Variants in CSMD1 observed in about 807,000 individuals in gnomAD.
CSMD1 encodes CUB and sushi domain-containing protein 1.
Under a neutral mutation model 417.5 loss-of-function variants are expected in CSMD1, and 213 were observed. The ratio of observed to expected loss-of-function variants is 0.51; its 90% CI spans 0.46 to 0.57. CSMD1 has a LOEUF of 0.57. Ranked by LOEUF, CSMD1 falls within the 20% of genes least tolerant of loss-of-function variation. The probability of loss-of-function intolerance (pLI) is 0.00; values close to 1 mark genes in which losing one functional copy is unlikely to be tolerated. For synonymous variants in CSMD1, 2,862 were observed against 1,736.8 expected, an observed-to-expected ratio of 1.65 and a Z score of -16.11; for missense variants, 6,923 against 4,529.7, an observed-to-expected ratio of 1.53 and a Z score of -15.17.
intron 1 of CSMD1, among the ~76,000 whole-genome samples, chr8:4,923,819 G>A (rs551478963): frequency 1.9e-4 from 29 of 152,156 alleles, no homozygotes; most frequent in African/African-American, 6.7e-4. Context: ...TTCCAATAAT[G>A]AGTTTTCAAT....
At chr8:3,326,384 G>A (rs1459319162) in intron 23 of CSMD1, among the ~76,000 whole-genome samples, 1 of 152,192 alleles carries the variant, frequency 6.6e-6, no homozygotes, top group Non-Finnish European at 1.5e-5. Context: ...AGAAATGGAT[G>A]AAGATTTATG....
chr8:4,096,121 C>T (rs1344595289), intron 3 of CSMD1, among the ~76,000 whole-genome samples: 1 of 152,112 alleles, frequency 6.6e-6, no homozygotes, highest in Admixed American at 6.5e-5. Flanking sequence ...TCCTCAAAAA[C>T]ATCCAGGGTC....
chr8:4,444,707 C>G (rs532287920), intron 2 of CSMD1, among the ~76,000 whole-genome samples: 3 of 152,132 alleles, frequency 2.0e-5, no homozygotes, highest in East Asian at 1.9e-4. Flanking sequence ...TCACTCTAAG[C>G]ACAGGTGCAT....
chr8:4,020,867 G>C (rs967173893), intron 4 of CSMD1, among the ~76,000 whole-genome samples: 2 of 152,142 alleles, frequency 1.3e-5, no homozygotes, highest in African/African-American at 2.4e-5. Context: ...TTTTAAAAGG[G>C]ACCCTATTTT....
intron 3 of CSMD1, among the ~76,000 whole-genome samples, chr8:4,071,498 AT>A (rs1799556897): frequency 6.6e-6 from 1 of 152,034 alleles, no homozygotes; most frequent in African/African-American, 2.4e-5. Context: ...CACCAAGAGC[AT>A]TGCTTCCTTT....
intron 1 of CSMD1, among the ~76,000 whole-genome samples, chr8:4,688,788 G>A (rs1008921895): frequency 1.6e-4 from 25 of 152,128 alleles, no homozygotes; most frequent in Admixed American, 5.2e-4. Context: ...AAAACTCCCC[G>A]TGCTTTGTGA....
chr8:3,743,541 G>T (rs1044234459), intron 6 of CSMD1, among the ~76,000 whole-genome samples: 1 of 152,166 alleles, frequency 6.6e-6, no homozygotes, highest in East Asian at 1.9e-4. Flanking sequence ...GTTGCAGGGT[G>T]TGAAAGAAAA....
At chr8:3,868,977 C>T (rs1407819668) in intron 5 of CSMD1, among the ~76,000 whole-genome samples, 3 of 152,192 alleles carry the variant, frequency 2.0e-5, no homozygotes, top group East Asian at 3.9e-4. Flanking sequence ...AACTCTTCTG[C>T]TCAGATGATG....
chr8:3,152,025 G>C (rs950207329), intron 39 of CSMD1, among the ~76,000 whole-genome samples: 8 of 152,200 alleles, frequency 5.3e-5, no homozygotes, highest in African/African-American at 1.7e-4. Flanking sequence ...GACATGCCTG[G>C]TAAACAGTAC....
chr8:2,968,060 G>A (rs932257920), intron 57 of CSMD1, among the ~76,000 whole-genome samples: 1 of 152,220 alleles, frequency 6.6e-6, no homozygotes, highest in Non-Finnish European at 1.5e-5. Flanking sequence ...GTTGGCATAT[G>A]AGTTGGGATG....
At chr8:4,067,125 A>G (rs1015588077) in intron 3 of CSMD1, among the ~76,000 whole-genome samples, 1 of 152,016 alleles carries the variant, frequency 6.6e-6, no homozygotes. Context: ...GTTTCCACAG[A>G]GTCACTTCAT....
At chr8:4,146,963 T>C (rs1804174124) in intron 3 of CSMD1, among the ~76,000 whole-genome samples, 1 of 144,224 alleles carries the variant, frequency 6.9e-6, no homozygotes, top group Admixed American at 6.7e-5. Flanking sequence ...ATCAGGCATC[T>C]TCATCAGGTA....
chr8:3,546,625 A>G (rs1243291664), intron 10 of CSMD1, among the ~76,000 whole-genome samples: 1 of 151,618 alleles, frequency 6.6e-6, no homozygotes, highest in Non-Finnish European at 1.5e-5. Context: ...AATACTGCAA[A>G]ATGATTAACA....
intron 1 of CSMD1, among the ~76,000 whole-genome samples, chr8:4,940,352 A>T (rs1175181779): frequency 2.0e-5 from 3 of 152,240 alleles, no homozygotes; most frequent in African/African-American, 7.2e-5. Context: ...TCACATTTTT[A>T]AAATATGCAA....
chr8:3,104,461 G>C (rs928746216), intron 46 of CSMD1, among the ~76,000 whole-genome samples: 5 of 152,152 alleles, frequency 3.3e-5, no homozygotes, highest in East Asian at 1.9e-4. Context: ...AGCAGGCCAA[G>C]GGTCTGGCCC....
At chr8:4,568,574 T>C (rs935952740) in intron 2 of CSMD1, among the ~76,000 whole-genome samples, 2 of 152,200 alleles carry the variant, frequency 1.3e-5, no homozygotes, top group African/African-American at 4.8e-5. Flanking sequence ...GGTGCTGCAA[T>C]ACACATACGT....
At chr8:3,954,035 G>T (rs912722388) in intron 5 of CSMD1, among the ~76,000 whole-genome samples, 1 of 152,160 alleles carries the variant, frequency 6.6e-6, no homozygotes. Context: ...TGGTGAGCGG[G>T]GCACATGCTT....
intron 27 of CSMD1, among the ~76,000 whole-genome samples, chr8:3,227,292 T>G (rs137862712): frequency 1.4e-5 from 2 of 142,886 alleles, no homozygotes; most frequent in African/African-American, 5.3e-5. Context: ...TCCCAGCTAC[T>G]TGGGAGGCTG....
In CSMD1 at chr8:4,670,429, C is replaced by G. The variant is rs563525489; in HGVS notation, c.86-32871G>C. On this transcript the variant is annotated intron_variant, in intron 1 of 69. Coordinates refer to ENST00000635120, the MANE Select transcript of CSMD1 (RefSeq NM_033225.6). Reference sequence around the variant, plus strand: ...AAAGAAAATGTGTGTTTTGGATAGTCAAGGAGCAAACATGTGTGTCCTGTG... The same window carrying G: ...AAAGAAAATGTGTGTTTTGGATAGTGAAGGAGCAAACATGTGTGTCCTGTG... Among the ~76,000 whole-genome samples, 14 of 152,086 alleles carry G rather than the reference C, an allele frequency of 9.2e-5. No homozygotes were observed. In the East Asian group the frequency reaches 2.5e-3, roughly 27 times the overall value.
Sources: allele counts gnomAD v4.1 joint callset (sites outside exome capture counted in the v4.1 genomes callset), GRCh38; gene constraint gnomAD v4.1.1; transcripts MANE v1.5; gene names NCBI Gene and HGNC (gene_info 2026-07-23, HGNC 2026-07-21).